The following ATP8A1 variants were observed in gnomAD, a reference collection of about 807,000 sequenced individuals.
The protein encoded by ATP8A1 is ATPase phospholipid transporting 8A1, also known as phospholipid-transporting ATPase IA.
Under a neutral mutation model 177.7 loss-of-function variants are expected in ATP8A1, and 90 were observed. That is an observed-to-expected ratio of 0.51 (90% CI 0.43 to 0.60). The LOEUF is 0.60. ATP8A1 is among the 20% of genes least tolerant of loss of function. ATP8A1 has a pLI of 0.00. For synonymous variants in ATP8A1, 493 were observed against 485.9 expected, an observed-to-expected ratio of 1.01 and a Z score of -0.19; for missense variants, 1,072 against 1,392.8, an observed-to-expected ratio of 0.77 and a Z score of 3.67.
Position 42,579,821 on chromosome 4 carries a change from T to C in ATP8A1, c.992A>G (p.Asn331Ser), listed in dbSNP as rs746766727. ...AGCACTTTATTGCTTACAGTTTAGA[T>C]TGAGATACCAGTCTTTTCCAGAATG... Reference protein sequence around the residue: ...RRHSGKDWYLNLNYGGASNFG... With the variant: ...RRHSGKDWYLSLNYGGASNFG... The change falls in exon 11 of 37, where the codon AAT becomes AGT. Residue 331 changes from asparagine (N) to serine (S), a missense_variant. By Grantham distance (46) the Asn-to-Ser change is conservative. This residue lies in a region of ATP8A1 where 20 missense variants were observed against 51.3 expected (regional missense o/e 0.39). Coordinates refer to ENST00000381668, the MANE Select transcript of ATP8A1 (RefSeq NM_006095.2). 2.5e-6 allele frequency: 4 copies of C among 1,613,196 alleles called. No individual in the cohort carries two copies. The highest frequency in any genetic ancestry group is 2.2e-5 in the East Asian group (1 of 44,844).
intron 20 of ATP8A1, among the ~76,000 whole-genome samples, chr4:42,530,684 T>G (rs1468772239): frequency 6.6e-6 from 1 of 152,236 alleles, no homozygotes; most frequent in African/African-American, 2.4e-5. Context: ...AAGGGTGGAA[T>G]GGCCTTTTGA....
At position 42,550,341 on chromosome 4, in the gene ATP8A1, T is replaced by C. The variant is rs146213618; in HGVS notation, c.1602+857A>G. Among the ~76,000 whole-genome samples, 10 of 152,326 alleles carry C rather than the reference T, an allele frequency of 6.6e-5. No individual in the cohort carries two copies. The East Asian group carries it at 1.9e-3, about 29-fold the overall frequency. ...GACTGTATCACAATTTGTTTATCCA[T>C]TCTTCTATTGATGGGCATTTGGTTT... is the stretch of plus-strand genomic sequence containing the variant. On this transcript the variant is annotated intron_variant, in intron 18 of 36. Transcript: ENST00000381668.
chr4:42,566,859 T>G (rs187620057), intron 15 of ATP8A1, among the ~76,000 whole-genome samples: 12 of 152,332 alleles, frequency 7.9e-5, no homozygotes, highest in African/African-American at 2.9e-4. Flanking sequence ...TCACCAACTT[T>G]AAAATGGCCA....
At chr4:42,637,229 C>G (rs868812153) in intron 1 of ATP8A1, 6 of 518,438 alleles carry the variant, frequency 1.2e-5, no homozygotes, top group Middle Eastern at 6.3e-4. Context: ...AAGCAGGCTA[C>G]CTGGAACCTT....
intron 15 of ATP8A1, among the ~76,000 whole-genome samples, chr4:42,567,311 G>A (rs967781050): frequency 6.6e-6 from 1 of 152,184 alleles, no homozygotes; most frequent in Non-Finnish European, 1.5e-5. Context: ...GGCTGAGGCG[G>A]GCGGATAACC....
chr4:42,557,971 G>C (rs910688396), intron 15 of ATP8A1, among the ~76,000 whole-genome samples: 7 of 152,030 alleles, frequency 4.6e-5, no homozygotes, highest in Admixed American at 2.0e-4. Flanking sequence ...AGGTTGCGGT[G>C]AGCCGAAACT....
intron 30 of ATP8A1, among the ~76,000 whole-genome samples, chr4:42,448,828 G>GTTTTTTTTTTTTT (rs55946444): frequency 2.4e-5 from 2 of 84,206 alleles, no homozygotes; most frequent in African/African-American, 9.0e-5. Flanking sequence ...TGTACTTTGC[G>GTTTTTTTTTTTTT]TTTTTTTTTT....
intron 5 of ATP8A1, among the ~76,000 whole-genome samples, chr4:42,600,989 CA>C (rs1214166313): frequency 2.1e-5 from 3 of 143,218 alleles, no homozygotes; most frequent in Non-Finnish European, 4.5e-5. Flanking sequence ...TATATTAATG[CA>C]AAAAAACAAA....
intron 25 of ATP8A1, among the ~76,000 whole-genome samples, chr4:42,469,566 A>C (rs1720166567): frequency 1.3e-5 from 2 of 152,260 alleles, no homozygotes; most frequent in Admixed American, 6.5e-5. Context: ...TGAATGTAGC[A>C]TAAAGCTTTG....
At chr4:42,576,793 A>G (rs943389179) in intron 12 of ATP8A1, among the ~76,000 whole-genome samples, 1 of 152,208 alleles carries the variant, frequency 6.6e-6, no homozygotes, top group Non-Finnish European at 1.5e-5. Context: ...CAGAAGAGAA[A>G]GTGATCAGAA....
chr4:42,479,898 T>G (rs1251251932), intron 25 of ATP8A1, among the ~76,000 whole-genome samples: 1 of 152,216 alleles, frequency 6.6e-6, no homozygotes, highest in East Asian at 1.9e-4. Flanking sequence ...CAGGAGTGTG[T>G]GCACTTTGCG....
intron 34 of ATP8A1, among the ~76,000 whole-genome samples, chr4:42,423,284 T>C (rs1490335516): frequency 6.6e-6 from 1 of 152,160 alleles, no homozygotes; most frequent in African/African-American, 2.4e-5. Context: ...AAACATTTCT[T>C]TTTATAATAA....
chr4:42,624,632 TTGC>T lies in ATP8A1; in HGVS notation c.265-1_266del. On this transcript the variant is annotated splice_acceptor_variant and coding_sequence_variant, in exon 4 of 37. Transcript: ENST00000381668. LOFTEE classifies it high-confidence loss of function. The stretch of plus-strand genomic sequence containing the variant: ...GACCTGTTGGTGACACATCAGGTAT[TTGC>T]TGTTTGGAAAAAAAAAAAAAAGAGA... 7.4e-7 allele frequency: 1 copy of T among 1,354,844 alleles called. No individual in the cohort carries two copies. The highest frequency in any genetic ancestry group is 9.6e-7 in the Non-Finnish European group (1 of 1,042,842). The allele number at this position is 1,354,844 out of a possible 1,614,324, so 83.9% of individuals were successfully genotyped here.
At chr4:42,635,780 C>CATATAT (rs1317800276) in intron 1 of ATP8A1, among the ~76,000 whole-genome samples, 1,137 of 43,114 alleles carry the variant, frequency 0.026, 15 homozygotes, top group African/African-American at 0.042. Flanking sequence ...CACACACACA[C>CATATAT]ACATATATAT....
chr4:42,501,524 T>C (rs1025988715), intron 24 of ATP8A1, among the ~76,000 whole-genome samples: 2 of 152,264 alleles, frequency 1.3e-5, no homozygotes, highest in African/African-American at 2.4e-5. Flanking sequence ...TCACATTTCC[T>C]AAGACATTAT....
At chr4:42,636,156 A>ACGCGCGCGTGCGCGCGCG (rs1553920759) in intron 1 of ATP8A1, among the ~76,000 whole-genome samples, 4,212 of 90,932 alleles carry the variant, frequency 0.046, 93 homozygotes, top group Non-Finnish European at 0.064. Context: ...ACACACACAC[A>ACGCGCGCGTGCGCGCGCG]CGCACACACA....
intron 25 of ATP8A1, among the ~76,000 whole-genome samples, chr4:42,470,852 G>A (rs1483175050): frequency 2.0e-5 from 3 of 152,144 alleles, no homozygotes; most frequent in African/African-American, 7.2e-5. Context: ...TCATTAGTGA[G>A]GGGATCTGCT....
chr4:42,492,756 C>A (rs1722855752), intron 24 of ATP8A1, among the ~76,000 whole-genome samples: 1 of 152,216 alleles, frequency 6.6e-6, no homozygotes, highest in Non-Finnish European at 1.5e-5. Flanking sequence ...GAGTTCACCA[C>A]CAGTTAAACA....
intron 27 of ATP8A1, chr4:42,459,594 AAAT>A (rs1718867049): frequency 4.0e-6 from 1 of 249,826 alleles, no homozygotes; most frequent in African/African-American, 2.3e-5. Flanking sequence ...GAGAATAGAA[AAAT>A]AATTACTTTA....
Sources: allele counts gnomAD v4.1 joint callset (sites outside exome capture counted in the v4.1 genomes callset), GRCh38; gene constraint gnomAD v4.1.1; regional missense constraint gnomAD v4.1.1; transcripts MANE v1.5; gene names NCBI Gene and HGNC (gene_info 2026-07-23, HGNC 2026-07-21).